MMP26: variants seen among roughly 807,000 people sequenced by gnomAD.
MMP26 encodes matrix metalloproteinase-26.
In MMP26, 33 loss-of-function variants were observed where a neutral mutation model predicts 31.0. The ratio of observed to expected loss-of-function variants is 1.06; its 90% CI spans 0.81 to 1.42. The LOEUF (loss-of-function observed/expected upper bound fraction) is 1.42. Among genes scored for constraint, MMP26 ranks in the 40% most tolerant of loss-of-function variants. MMP26 has a pLI of 0.00. For synonymous variants in MMP26, 122 were observed against 114.9 expected, an observed-to-expected ratio of 1.06 and a Z score of -0.40; for missense variants, 347 against 316.1, an observed-to-expected ratio of 1.10 and a Z score of -0.74.
chr11:4,777,839 C>T (rs1381422039), intron 2 of MMP26, among the ~76,000 whole-genome samples: 1 of 152,030 alleles, frequency 6.6e-6, no homozygotes, highest in Non-Finnish European at 1.5e-5. Context: ...TTAACTTTTC[C>T]ATCCTGTTGT....
At chr11:4,885,093 T>C (rs1850530161) in intron 2 of MMP26, among the ~76,000 whole-genome samples, 2 of 152,130 alleles carry the variant, frequency 1.3e-5, no homozygotes, top group Admixed American at 1.3e-4. Context: ...AAATGTAATC[T>C]TTTCACTTAA....
chr11:4,852,406 A>G (rs1849987722), intron 2 of MMP26, among the ~76,000 whole-genome samples: 1 of 152,176 alleles, frequency 6.6e-6, no homozygotes, highest in Admixed American at 6.5e-5. Flanking sequence ...TTTCAAGCAC[A>G]TATAGAATTT....
At chr11:4,892,850 C>T (rs1001371283) in intron 2 of MMP26, among the ~76,000 whole-genome samples, 1 of 152,090 alleles carries the variant, frequency 6.6e-6, no homozygotes, top group African/African-American at 2.4e-5. Flanking sequence ...AGATCTGTTC[C>T]AATATGAATC....
chr11:4,888,119 G>A (rs1006268347), intron 2 of MMP26, among the ~76,000 whole-genome samples: 11 of 152,118 alleles, frequency 7.2e-5, no homozygotes, highest in African/African-American at 1.9e-4. Flanking sequence ...TTACTTGTGA[G>A]CTCAACTTAG....
At chr11:4,882,474 C>T (rs1384900179) in intron 2 of MMP26, 1 of 1,613,922 alleles carries the variant, frequency 6.2e-7, no homozygotes. Flanking sequence ...TACACATATT[C>T]CAAACCTTGG....
At chr11:4,769,870 C>T in intron 2 of MMP26, 1 of 1,613,294 alleles carries the variant, frequency 6.2e-7, no homozygotes, top group South Asian at 1.1e-5. Context: ...GAATGCCGGT[C>T]AACAAGAAGG....
chr11:4,773,163 C>G lies in MMP26; in HGVS notation c.-145+5822C>G, dbSNP rs75399953. Among the ~76,000 whole-genome samples, 486 of 152,330 alleles carry G rather than the reference C, an allele frequency of 3.2e-3. 2 individuals are homozygous for G. Among genetic ancestry groups the G allele is most frequent in the African/African-American group, 0.011 (462 of 41,572 alleles). ...AAAATAATAAAATAGTCCCTCAGTA[C>G]TCCTACCTTCTTGGACTCAGCCCAT... is the stretch of plus-strand genomic sequence containing the variant. On this transcript the variant is annotated intron_variant, in intron 2 of 7. Transcript: ENST00000380390.
intron 1 of MMP26, among the ~76,000 whole-genome samples, chr11:4,738,036 C>T (rs928398630): frequency 6.6e-6 from 1 of 152,028 alleles, no homozygotes; most frequent in Non-Finnish European, 1.5e-5. Context: ...TCAAGTGATG[C>T]TCTTGCCTCA....
At chr11:4,842,473 C>A (rs538139498) in intron 2 of MMP26, among the ~76,000 whole-genome samples, 2 of 152,290 alleles carry the variant, frequency 1.3e-5, no homozygotes, top group East Asian at 3.9e-4. Context: ...GAAGAGGAAG[C>A]AATCACGTCT....
chr11:4,915,206 G>A (rs1279856287), intron 2 of MMP26: 1 of 1,614,022 alleles, frequency 6.2e-7, no homozygotes, highest in South Asian at 1.1e-5. Flanking sequence ...ACGACCCAGA[G>A]AGACCAGGCC....
intron 2 of MMP26, among the ~76,000 whole-genome samples, chr11:4,839,083 A>G (rs916259360): frequency 6.6e-6 from 1 of 152,004 alleles, no homozygotes; most frequent in African/African-American, 2.4e-5. Flanking sequence ...ATAACAAATA[A>G]CAACAACAAC....
intron 1 of MMP26, among the ~76,000 whole-genome samples, chr11:4,764,512 T>C (rs1848603983): frequency 1.3e-5 from 2 of 152,186 alleles, no homozygotes; most frequent in South Asian, 4.1e-4. Context: ...GCTAAAGAGA[T>C]ACTCTCTTAG....
chr11:4,865,882 A>G (rs1252779604), intron 2 of MMP26, among the ~76,000 whole-genome samples: 1 of 152,166 alleles, frequency 6.6e-6, no homozygotes, highest in East Asian at 1.9e-4. Context: ...CCTGGAAATT[A>G]TTGTTACAGA....
At chr11:4,869,718 G>A (rs919577768) in intron 2 of MMP26, among the ~76,000 whole-genome samples, 23 of 152,124 alleles carry the variant, frequency 1.5e-4, no homozygotes, top group Admixed American at 4.6e-4. Flanking sequence ...CCATTACTGG[G>A]TATATACCCA....
At chr11:4,885,216 T>C (rs1207267555) in intron 2 of MMP26, among the ~76,000 whole-genome samples, 1 of 152,138 alleles carries the variant, frequency 6.6e-6, no homozygotes, top group Non-Finnish European at 1.5e-5. Flanking sequence ...TTTTTCTGAT[T>C]ATGAGTGTCA....
intron 2 of MMP26, among the ~76,000 whole-genome samples, chr11:4,861,443 T>G (rs1452404386): frequency 6.6e-6 from 1 of 151,440 alleles, no homozygotes; most frequent in Non-Finnish European, 1.5e-5. Flanking sequence ...TTTTGCCTTT[T>G]TAAAATCTAA....
At chr11:4,889,283 C>G (rs1850584656) in intron 2 of MMP26, among the ~76,000 whole-genome samples, 1 of 152,104 alleles carries the variant, frequency 6.6e-6, no homozygotes. Context: ...CACACATCCT[C>G]CCATATACCT....
intron 2 of MMP26, among the ~76,000 whole-genome samples, chr11:4,884,833 A>G (rs928964791): frequency 2.6e-5 from 4 of 152,266 alleles, no homozygotes; most frequent in African/African-American, 9.6e-5. Flanking sequence ...TTGTGTGAAC[A>G]TATTTTTGGA....
chr11:4,841,935 A>G lies in MMP26; in HGVS notation c.-145+74594A>G, dbSNP rs558217553. Among the ~76,000 whole-genome samples the G allele has an allele frequency of 5.9e-5, 9 of 152,290 alleles. No homozygotes were observed. In the East Asian group the frequency reaches 1.4e-3, roughly 23 times the overall value. The stretch of plus-strand genomic sequence containing the variant: ...GCAACAAGAGCAAAACTCTGTCTCA[A>G]AGGGAGTTCTTTAATCTGAAAGAAC... On this transcript the variant is annotated intron_variant, in intron 2 of 7. Transcript: ENST00000380390.
Sources: gnomAD v4.1 joint callset for allele counts (sites outside exome capture counted in the v4.1 genomes callset) on GRCh38, gnomAD v4.1.1 for gene constraint, MANE v1.5 for transcripts, NCBI Gene and HGNC (gene_info 2026-07-23, HGNC 2026-07-21) for gene names.